The following FGF12 variants were observed in gnomAD, a reference collection of about 807,000 sequenced individuals.
FGF12 encodes fibroblast growth factor 12.
Under a neutral mutation model 23.6 loss-of-function variants are expected in FGF12, and 14 were observed. The ratio of observed to expected loss-of-function variants is 0.59; its 90% CI spans 0.39 to 0.93. FGF12 has a LOEUF of 0.93. Among genes scored for constraint, FGF12 ranks in the 40% least tolerant of loss-of-function variants. The pLI, the probability that FGF12 is intolerant of heterozygous loss-of-function variation, is 0.00. For missense variants in FGF12, 175 were observed against 217.8 expected, an observed-to-expected ratio of 0.80 and a Z score of 1.24; for synonymous variants, 62 against 77.3, an observed-to-expected ratio of 0.80 and a Z score of 1.04.
intron 2 of FGF12, among the ~76,000 whole-genome samples, chr3:192,610,216 T>C (rs1282528477): frequency 6.6e-6 from 1 of 151,958 alleles, no homozygotes; most frequent in Non-Finnish European, 1.5e-5. Context: ...GGTACAGAAA[T>C]CTCCTCTTCA....
At chr3:192,155,056 G>T (rs1182410282) in intron 5 of FGF12, among the ~76,000 whole-genome samples, 2 of 150,814 alleles carry the variant, frequency 1.3e-5, no homozygotes, top group Non-Finnish European at 2.9e-5. Flanking sequence ...CGCAATATTC[G>T]GGTGGGAGTG....
intron 2 of FGF12, among the ~76,000 whole-genome samples, chr3:192,699,179 T>A (rs1026669846): frequency 2.0e-5 from 3 of 152,186 alleles, no homozygotes; most frequent in Admixed American, 1.3e-4. Context: ...ATACCAGCCA[T>A]GTCTTTTTCC....
At chr3:192,184,418 T>C (rs955547645) in intron 4 of FGF12, among the ~76,000 whole-genome samples, 1 of 152,304 alleles carries the variant, frequency 6.6e-6, no homozygotes, top group East Asian at 1.9e-4. Flanking sequence ...ACACTAGTAA[T>C]GTAAGAGCTG....
intron 4 of FGF12, among the ~76,000 whole-genome samples, chr3:192,327,140 A>C (rs1560071291): frequency 6.6e-6 from 1 of 152,188 alleles, no homozygotes; most frequent in African/African-American, 2.4e-5. Flanking sequence ...CTCTTCATCA[A>C]TATCTACTGG....
In FGF12 at chr3:192,473,307, A is replaced by C. The variant is rs112789994; in HGVS notation, c.14-112769T>G. Among the ~76,000 whole-genome samples, 397 of 152,278 alleles carry C rather than the reference A, an allele frequency of 2.6e-3. 4 individuals carry two copies. The highest frequency in any genetic ancestry group is 9.1e-3 in the African/African-American group (378 of 41,562). ...CACTGATTTCCTTGTGCTTTCACTA[A>C]TTTATTCCCATGCCTACTTCCAACA... On this transcript the variant is annotated intron_variant, in intron 2 of 5. Coordinates refer to ENST00000445105, the MANE Select transcript of FGF12 (RefSeq NM_004113.6).
chr3:192,487,816 C>T (rs574415318), intron 2 of FGF12, among the ~76,000 whole-genome samples: 3 of 152,146 alleles, frequency 2.0e-5, no homozygotes, highest in Admixed American at 6.6e-5. Context: ...ATCATGAAAA[C>T]TAAATGTTTC....
intron 4 of FGF12, among the ~76,000 whole-genome samples, chr3:192,214,617 A>G (rs1461889272): frequency 6.6e-6 from 1 of 152,210 alleles, no homozygotes; most frequent in African/African-American, 2.4e-5. Flanking sequence ...TTCAGTTGTT[A>G]TGATGAAGCA....
At chr3:192,281,773 T>C (rs1560050109) in intron 4 of FGF12, among the ~76,000 whole-genome samples, 2 of 152,064 alleles carry the variant, frequency 1.3e-5, no homozygotes, top group South Asian at 2.1e-4. Context: ...ATAACAAATA[T>C]GTGCCTCAGC....
chr3:192,402,945 T>C (rs965687796), intron 2 of FGF12, among the ~76,000 whole-genome samples: 6 of 152,154 alleles, frequency 3.9e-5, no homozygotes, highest in African/African-American at 1.4e-4. Flanking sequence ...ATTGAAAATA[T>C]AGCATATCAA....
chr3:192,422,521 G>T (rs977316186), intron 2 of FGF12, among the ~76,000 whole-genome samples: 1 of 152,068 alleles, frequency 6.6e-6, no homozygotes, highest in Non-Finnish European at 1.5e-5. Flanking sequence ...GTCCCCAGAA[G>T]AACTAAACCT....
intron 4 of FGF12, among the ~76,000 whole-genome samples, chr3:192,175,081 A>G (rs1233825897): frequency 6.6e-6 from 1 of 152,228 alleles, no homozygotes; most frequent in East Asian, 1.9e-4. Context: ...TTTAAAAATA[A>G]TCTAAAGCTT....
At chr3:192,497,103 T>G (rs930179547) in intron 2 of FGF12, among the ~76,000 whole-genome samples, 2 of 152,170 alleles carry the variant, frequency 1.3e-5, no homozygotes, top group Non-Finnish European at 2.9e-5. Flanking sequence ...CTACTCCATG[T>G]GAAATTTAAC....
chr3:192,581,468 A>G (rs12634501), intron 2 of FGF12, among the ~76,000 whole-genome samples: 1 of 85,186 alleles, frequency 1.2e-5, no homozygotes, highest in African/African-American at 4.8e-5. Flanking sequence ...ATATATATGT[A>G]TATATATGTG....
In FGF12 at chr3:192,630,462, C is replaced by G. The variant is rs142414264; in HGVS notation, c.13+96719G>C. On this transcript the variant is annotated intron_variant, in intron 2 of 5. Coordinates refer to ENST00000445105, the MANE Select transcript of FGF12 (RefSeq NM_004113.6). ...AAAAAAAAAATTACCCAGGGTCATG[C>G]CCCTGATACCTAACAAAGGCTGAAC... 2.2e-3 allele frequency among the ~76,000 whole-genome samples: 332 copies of G among 151,586 alleles called. 1 individual carries two copies. The highest frequency in any genetic ancestry group is 7.8e-3 in the African/African-American group (323 of 41,378).
intron 2 of FGF12, among the ~76,000 whole-genome samples, chr3:192,511,480 T>A (rs760376875): frequency 6.6e-6 from 1 of 152,214 alleles, no homozygotes; most frequent in African/African-American, 2.4e-5. Flanking sequence ...TTGAGAGGAA[T>A]GGGAATAGGC....
At chr3:192,623,787 C>T (rs1317165242) in intron 2 of FGF12, among the ~76,000 whole-genome samples, 2 of 152,192 alleles carry the variant, frequency 1.3e-5, no homozygotes, top group African/African-American at 4.8e-5. Flanking sequence ...CTTCACCTCT[C>T]TCTCGGCTAT....
intron 2 of FGF12, among the ~76,000 whole-genome samples, chr3:192,694,432 T>G (rs556583523): frequency 6.6e-6 from 1 of 152,234 alleles, no homozygotes; most frequent in South Asian, 2.1e-4. Flanking sequence ...TTTATCAAGA[T>G]ACCTGCATTC....
intron 4 of FGF12, among the ~76,000 whole-genome samples, chr3:192,233,870 T>C (rs1428208487): frequency 2.0e-5 from 3 of 152,146 alleles, no homozygotes; most frequent in Non-Finnish European, 4.4e-5. Flanking sequence ...TATGGCTTTA[T>C]TTCCGGGTTA....
At chr3:192,564,092 C>T (rs1712167916) in intron 2 of FGF12, among the ~76,000 whole-genome samples, 1 of 151,996 alleles carries the variant, frequency 6.6e-6, no homozygotes, top group East Asian at 1.9e-4. Context: ...GAGACACAGT[C>T]TCCCTCTGTA....
Sources: gnomAD v4.1 joint callset for allele counts (sites outside exome capture counted in the v4.1 genomes callset) on GRCh38, gnomAD v4.1.1 for gene constraint, MANE v1.5 for transcripts, NCBI Gene and HGNC (gene_info 2026-07-23, HGNC 2026-07-21) for gene names.